The following MPPED2 variants were observed in gnomAD, a reference collection of about 807,000 sequenced individuals.
MPPED2 encodes metallophosphoesterase MPPED2.
In MPPED2, 5 loss-of-function variants were observed where a neutral mutation model predicts 33.0. That is an observed-to-expected ratio of 0.15 (90% CI 0.08 to 0.32). The LOEUF is 0.32. Ranked by LOEUF, MPPED2 falls within the 10% of genes least tolerant of loss-of-function variation. The pLI, the probability that MPPED2 is intolerant of heterozygous loss-of-function variation, is 1.00. For synonymous variants in MPPED2, 136 were observed against 141.9 expected, an observed-to-expected ratio of 0.96 and a Z score of 0.29; for missense variants, 275 against 372.1, an observed-to-expected ratio of 0.74 and a Z score of 2.15.
chr11:30,493,336 A>C (rs1952076665), intron 4 of MPPED2, among the ~76,000 whole-genome samples: 1 of 147,042 alleles, frequency 6.8e-6, no homozygotes, highest in Non-Finnish European at 1.5e-5. Flanking sequence ...GCGCCACAGC[A>C]CTCCCGCCTG....
chr11:30,527,958 A>G (rs1954292211), intron 3 of MPPED2, among the ~76,000 whole-genome samples: 1 of 152,230 alleles, frequency 6.6e-6, no homozygotes, highest in Non-Finnish European at 1.5e-5. Context: ...CCTTTATCTT[A>G]CTTAACTTCA....
At chr11:30,511,819 T>C (rs1953211558) in intron 3 of MPPED2, among the ~76,000 whole-genome samples, 1 of 152,214 alleles carries the variant, frequency 6.6e-6, no homozygotes, top group South Asian at 2.1e-4. Context: ...ATTTTCTACC[T>C]TCAGAAGGCA....
chr11:30,581,947 T>A (rs1248373145), intron 1 of MPPED2, among the ~76,000 whole-genome samples: 1 of 152,192 alleles, frequency 6.6e-6, no homozygotes, highest in African/African-American at 2.4e-5. Context: ...ATGAGTCTTT[T>A]AAGCGCCAGA....
intron 2 of MPPED2, among the ~76,000 whole-genome samples, chr11:30,560,405 A>C (rs962002641): frequency 6.6e-6 from 1 of 151,914 alleles, no homozygotes; most frequent in African/African-American, 2.4e-5. Flanking sequence ...ACTGGCATTT[A>C]CTCTTAGTAA....
chr11:30,451,685 G>A (rs1040592279), intron 4 of MPPED2: 3 of 953,220 alleles, frequency 3.1e-6, no homozygotes, highest in Non-Finnish European at 3.7e-6. Flanking sequence ...CTATTTCCTT[G>A]TGTATTTCAA....
intron 3 of MPPED2, among the ~76,000 whole-genome samples, chr11:30,500,843 A>T (rs1313432159): frequency 6.6e-6 from 1 of 152,196 alleles, no homozygotes; most frequent in African/African-American, 2.4e-5. Flanking sequence ...TAAGTGAAGG[A>T]ACGAATGAAC....
chr11:30,477,876 C>T (rs1282480032), intron 4 of MPPED2, among the ~76,000 whole-genome samples: 1 of 152,048 alleles, frequency 6.6e-6, no homozygotes, highest in Non-Finnish European at 1.5e-5. Context: ...ACATGCATGA[C>T]TCAGGGTCCA....
chr11:30,468,445 T>C (rs964219802), intron 4 of MPPED2, among the ~76,000 whole-genome samples: 4 of 152,140 alleles, frequency 2.6e-5, no homozygotes, highest in African/African-American at 9.7e-5. Context: ...TCTCTTCCCA[T>C]CAATCTCAGT....
At chr11:30,498,508 A>G (rs1169227978) in intron 3 of MPPED2, among the ~76,000 whole-genome samples, 1 of 150,206 alleles carries the variant, frequency 6.7e-6, no homozygotes, top group Non-Finnish European at 1.5e-5. Context: ...AGATTGAACC[A>G]CTGTACTCCA....
intron 2 of MPPED2, among the ~76,000 whole-genome samples, chr11:30,550,370 T>A (rs955094513): frequency 6.6e-6 from 1 of 152,156 alleles, no homozygotes; most frequent in African/African-American, 2.4e-5. Flanking sequence ...AGGACTAGAA[T>A]ATAATTTTTC....
intron 2 of MPPED2, among the ~76,000 whole-genome samples, chr11:30,567,031 G>A (rs1956473609): frequency 6.6e-6 from 1 of 152,138 alleles, no homozygotes. Context: ...TTGTTCTCTG[G>A]CACCTCTCAG....
At chr11:30,505,613 T>C (rs1952788684) in intron 3 of MPPED2, among the ~76,000 whole-genome samples, 1 of 152,252 alleles carries the variant, frequency 6.6e-6, no homozygotes, top group Non-Finnish European at 1.5e-5. Flanking sequence ...AAATTCGATC[T>C]GAACAATCAG....
intron 4 of MPPED2, among the ~76,000 whole-genome samples, chr11:30,483,822 A>T (rs538264757): frequency 5.9e-5 from 9 of 152,282 alleles, no homozygotes; most frequent in African/African-American, 1.9e-4. Context: ...AAGTCAGTAT[A>T]TCCTATTAGG....
intron 2 of MPPED2, among the ~76,000 whole-genome samples, chr11:30,570,994 A>C (rs1024954782): frequency 6.6e-6 from 1 of 152,214 alleles, no homozygotes; most frequent in Admixed American, 6.5e-5. Context: ...AGTAGAGTCC[A>C]TGTTTTGATG....
At chr11:30,523,235 G>A (rs1347173503) in intron 3 of MPPED2, among the ~76,000 whole-genome samples, 1 of 152,132 alleles carries the variant, frequency 6.6e-6, no homozygotes, top group African/African-American at 2.4e-5. Flanking sequence ...GAAGGGCCAG[G>A]AAAATGGCAT....
At chr11:30,470,941 A>G (rs1369204118) in intron 4 of MPPED2, among the ~76,000 whole-genome samples, 1 of 152,220 alleles carries the variant, frequency 6.6e-6, no homozygotes, top group African/African-American at 2.4e-5. Flanking sequence ...AGAAGCTTGC[A>G]GGATGTGCCA....
At chr11:30,413,353 C>T (rs1173679072) in intron 6 of MPPED2, among the ~76,000 whole-genome samples, 1 of 152,196 alleles carries the variant, frequency 6.6e-6, no homozygotes, top group African/African-American at 2.4e-5. Context: ...CCCACGTAAA[C>T]ACGGCCATTG....
At chr11:30,494,204 A>T (rs1484802695) in intron 4 of MPPED2, among the ~76,000 whole-genome samples, 1 of 152,122 alleles carries the variant, frequency 6.6e-6, no homozygotes. Flanking sequence ...GAGAAACCCT[A>T]ATCTAAGCAA....
At chr11:30,556,321 C>T (rs988184659) in intron 2 of MPPED2, among the ~76,000 whole-genome samples, 1 of 152,156 alleles carries the variant, frequency 6.6e-6, no homozygotes, top group African/African-American at 2.4e-5. Context: ...TGCCATTCCC[C>T]AACCTCCAAA....
Sources: allele counts gnomAD v4.1 joint callset (sites outside exome capture counted in the v4.1 genomes callset), GRCh38; gene constraint gnomAD v4.1.1; transcripts MANE v1.5; gene names NCBI Gene and HGNC (gene_info 2026-07-23, HGNC 2026-07-21).